The following CCSER1 variants were observed in gnomAD, a reference collection of about 807,000 sequenced individuals.
CCSER1 encodes serine-rich coiled-coil domain-containing protein 1.
A neutral mutation model predicts 82.0 loss-of-function variants in CCSER1; 41 were observed. The ratio of observed to expected loss-of-function variants is 0.50; its 90% CI spans 0.39 to 0.65. The LOEUF (loss-of-function observed/expected upper bound fraction) is 0.65, where lower values mean the gene tolerates loss of function less well. Ranked by LOEUF, CCSER1 falls within the 30% of genes least tolerant of loss-of-function variation. The pLI, the probability that CCSER1 is intolerant of heterozygous loss-of-function variation, is 0.00. For missense variants in CCSER1, 1,119 were observed against 1,064.2 expected (o/e 1.05, Z -0.72); for synonymous variants, 414 against 383.9 (o/e 1.08, Z -0.92).
chr4:91,147,934 A>T (rs973494235), intron 10 of CCSER1, among the ~76,000 whole-genome samples: 1 of 152,192 alleles, frequency 6.6e-6, no homozygotes, highest in Non-Finnish European at 1.5e-5. Flanking sequence ...ATTTCTTAAG[A>T]TGTAATGTTT....
chr4:90,354,585 TTGTACACCTTA>T (rs1744088749), intron 3 of CCSER1, among the ~76,000 whole-genome samples: 1 of 152,078 alleles, frequency 6.6e-6, no homozygotes, highest in South Asian at 2.1e-4. Context: ...AATCATCATA[TTGTACACCTTA>T]AATTAATACA....
intron 3 of CCSER1, among the ~76,000 whole-genome samples, chr4:90,360,459 G>T (rs1745179075): frequency 6.6e-6 from 1 of 150,524 alleles, no homozygotes; most frequent in Non-Finnish European, 1.5e-5. Context: ...GGAGAATGGG[G>T]AGACTGCTCG....
At chr4:90,992,721 G>T (rs2064966156) in intron 9 of CCSER1, among the ~76,000 whole-genome samples, 1 of 151,916 alleles carries the variant, frequency 6.6e-6, no homozygotes, top group Non-Finnish European at 1.5e-5. Flanking sequence ...TTCACTGGAG[G>T]CCACCCTCAG....
At chr4:90,585,023 T>C (rs1057124330) in intron 5 of CCSER1, among the ~76,000 whole-genome samples, 2 of 152,200 alleles carry the variant, frequency 1.3e-5, no homozygotes, top group African/African-American at 4.8e-5. Flanking sequence ...AGAATGCTTA[T>C]AATTTAATAA....
chr4:91,411,879 T>C (rs1578393698), intron 10 of CCSER1, among the ~76,000 whole-genome samples: 1 of 151,656 alleles, frequency 6.6e-6, no homozygotes, highest in East Asian at 2.0e-4. Flanking sequence ...ACTTTGCATA[T>C]GGAATCAGTG....
intron 10 of CCSER1, among the ~76,000 whole-genome samples, chr4:91,393,114 T>C (rs1427163980): frequency 1.3e-5 from 2 of 152,058 alleles, no homozygotes; most frequent in African/African-American, 4.8e-5. Context: ...ATCTGAATCA[T>C]GAATAGGACT....
At chr4:90,359,118 G>T (rs1465419527) in intron 3 of CCSER1, among the ~76,000 whole-genome samples, 2 of 152,134 alleles carry the variant, frequency 1.3e-5, no homozygotes, top group Non-Finnish European at 2.9e-5. Context: ...TGCTGAAAGA[G>T]ATTAACAGAA....
At chr4:91,438,316 G>A (rs948216160) in intron 10 of CCSER1, among the ~76,000 whole-genome samples, 57 of 152,268 alleles carry the variant, frequency 3.7e-4, no homozygotes, top group African/African-American at 5.8e-4. Context: ...AGCAGCATTC[G>A]CGGTTCATGA....
intron 10 of CCSER1, among the ~76,000 whole-genome samples, chr4:91,209,383 T>G (rs537937554): frequency 6.6e-6 from 1 of 152,020 alleles, no homozygotes; most frequent in South Asian, 2.1e-4. Context: ...TGAGGTATGT[T>G]CCTTCAGTGC....
At chr4:90,433,692 A>G (rs915132394) in intron 4 of CCSER1, among the ~76,000 whole-genome samples, 2 of 152,042 alleles carry the variant, frequency 1.3e-5, no homozygotes, top group Admixed American at 6.6e-5. Flanking sequence ...CAAAAAATAA[A>G]ATATAGCAAT....
chr4:90,318,259 T>G (rs892944544), intron 3 of CCSER1, among the ~76,000 whole-genome samples: 1 of 152,212 alleles, frequency 6.6e-6, no homozygotes, highest in African/African-American at 2.4e-5. Context: ...TGAACTAAGT[T>G]TACTTTTTTC....
intron 10 of CCSER1, among the ~76,000 whole-genome samples, chr4:91,226,501 G>A (rs560668449): frequency 7.2e-5 from 11 of 151,924 alleles, no homozygotes; most frequent in East Asian, 1.9e-4. Flanking sequence ...ATTTTATAGC[G>A]TTTAATATAT....
chr4:90,295,528 A>C (rs1478765680), intron 1 of CCSER1, among the ~76,000 whole-genome samples: 1 of 151,554 alleles, frequency 6.6e-6, no homozygotes, highest in Admixed American at 6.6e-5. Flanking sequence ...AGTTCTTTCT[A>C]TTTCCCCGAT....
At chr4:90,629,481 C>T (rs1453607352) in intron 6 of CCSER1, among the ~76,000 whole-genome samples, 3 of 152,148 alleles carry the variant, frequency 2.0e-5, no homozygotes, top group African/African-American at 7.2e-5. Flanking sequence ...ATTTATGAAA[C>T]CATCAGATCT....
At chr4:91,150,539 G>A (rs1265503634) in intron 10 of CCSER1, among the ~76,000 whole-genome samples, 1 of 152,120 alleles carries the variant, frequency 6.6e-6, no homozygotes, top group Non-Finnish European at 1.5e-5. Context: ...GGTGAGAGAG[G>A]GCATCCCTGT....
chr4:90,559,623 C>T (rs1560718022), intron 5 of CCSER1, among the ~76,000 whole-genome samples: 1 of 151,770 alleles, frequency 6.6e-6, no homozygotes, highest in Non-Finnish European at 1.5e-5. Flanking sequence ...GAGTTTGAGG[C>T]CAGCCTGGGC....
At chr4:90,437,266 C>T (rs1759153918) in intron 4 of CCSER1, among the ~76,000 whole-genome samples, 1 of 150,012 alleles carries the variant, frequency 6.7e-6, no homozygotes, top group African/African-American at 2.5e-5. Context: ...CACACATGCA[C>T]ACATGCGCGC....
chr4:90,293,480 AAG>A (rs1249398619), intron 1 of CCSER1, among the ~76,000 whole-genome samples: 1 of 151,426 alleles, frequency 6.6e-6, no homozygotes, highest in Non-Finnish European at 1.5e-5. Flanking sequence ...AATGCCCAAT[AAG>A]AGTTAGAATA....
At chr4:90,778,301 A>T (rs944032836) in intron 7 of CCSER1, among the ~76,000 whole-genome samples, 1 of 152,142 alleles carries the variant, frequency 6.6e-6, no homozygotes, top group Non-Finnish European at 1.5e-5. Context: ...TTTAAACTCT[A>T]TCCTTGTATT....
Sources: gnomAD v4.1 joint callset for allele counts (sites outside exome capture counted in the v4.1 genomes callset) on GRCh38, gnomAD v4.1.1 for gene constraint, MANE v1.5 for transcripts, NCBI Gene and HGNC (gene_info 2026-07-23, HGNC 2026-07-21) for gene names.